Variants in PAX7 observed in about 807,000 individuals in gnomAD.
The protein encoded by PAX7 is paired box protein Pax-7.
PAX7 carries 18 observed loss-of-function variants against 50.7 expected under a neutral mutation model. The ratio of observed to expected loss-of-function variants is 0.36; its 90% confidence interval spans 0.25 to 0.53. PAX7 has a LOEUF of 0.53. Ranked by LOEUF, PAX7 falls within the 20% of genes least tolerant of loss-of-function variation. PAX7 has a pLI of 0.93. For missense variants in PAX7, 644 were observed against 702.9 expected (o/e 0.92, Z 0.95); for synonymous variants, 310 against 290.4 (o/e 1.07, Z -0.69).
intron 4 of PAX7, among the ~76,000 whole-genome samples, chr1:18,660,564 C>T (rs1480852787): frequency 1.3e-5 from 2 of 152,110 alleles, no homozygotes; most frequent in African/African-American, 4.8e-5. Context: ...ATTACTATTT[C>T]ATGGATGATT....
At chr1:18,666,899 T>C (rs1393829984) in intron 4 of PAX7, among the ~76,000 whole-genome samples, 1 of 152,162 alleles carries the variant, frequency 6.6e-6, no homozygotes, top group Non-Finnish European at 1.5e-5. Flanking sequence ...TCGACTCACC[T>C]GGGGAAAAAT....
chr1:18,631,380 C>T lies in PAX7; in HGVS notation c.-224C>T. 1 of 546,858 alleles carries T rather than the reference C, an allele frequency of 1.8e-6. No homozygotes were observed. Among genetic ancestry groups the T allele is most frequent in the Non-Finnish European group, 3.3e-6 (1 of 304,184 alleles). The allele number at this position is 546,858 out of a possible 1,614,324, so 33.9% of individuals were successfully genotyped here. A position where few individuals can be genotyped will look rare whatever the true frequency, so the allele number is the denominator to read the frequency against. On this transcript the variant is annotated 5_prime_UTR_variant, in exon 1 of 9. Coordinates refer to ENST00000420770, the MANE Select transcript of PAX7 (RefSeq NM_001135254.2). ...TTCCTCGTCGTCGCCACCTTCCCTCCCCCCAACCTCCACCCCACCTCACCC... is the reference window on the plus strand; with the variant it reads ...TTCCTCGTCGTCGCCACCTTCCCTCTCCCCAACCTCCACCCCACCTCACCC...
chr1:18,689,695 T>C lies in PAX7; in HGVS notation c.587-2059T>C, dbSNP rs189540132. On this transcript the variant is annotated intron_variant, in intron 4 of 8. Transcript: ENST00000420770. ...GATGACCCTCCAGGCGCATGACCTCTCACACATCCGGGCCATACCCACCAG... is the reference window on the plus strand; with the variant it reads ...GATGACCCTCCAGGCGCATGACCTCCCACACATCCGGGCCATACCCACCAG... 2.4e-3 allele frequency among the ~76,000 whole-genome samples: 359 copies of C among 152,268 alleles called. 3 individuals are homozygous for C. The South Asian group carries it at 0.029, about 12-fold the overall frequency.
At chr1:18,679,751 G>A (rs982566481) in intron 4 of PAX7, among the ~76,000 whole-genome samples, 2 of 152,328 alleles carry the variant, frequency 1.3e-5, no homozygotes, top group African/African-American at 4.8e-5. Context: ...AGCCTCCACC[G>A]TGGAAGAATA....
chr1:18,646,244 C>A (rs1365906255), intron 4 of PAX7, among the ~76,000 whole-genome samples: 1 of 152,054 alleles, frequency 6.6e-6, no homozygotes, highest in Non-Finnish European at 1.5e-5. Context: ...ATAAATGGGG[C>A]TGAACCTCCC....
chr1:18,718,488 G>A (rs867665803), intron 7 of PAX7, among the ~76,000 whole-genome samples: 1 of 152,062 alleles, frequency 6.6e-6, no homozygotes, highest in Non-Finnish European at 1.5e-5. Flanking sequence ...CAAGGCAGCC[G>A]GTCCCAGGCC....
intron 4 of PAX7, among the ~76,000 whole-genome samples, chr1:18,672,597 T>TTG (rs1557521475): frequency 9.2e-6 from 1 of 108,196 alleles, no homozygotes; most frequent in Non-Finnish European, 2.0e-5. Context: ...GAGCACTGTG[T>TTG]TTTTTTTTTT....
chr1:18,700,867 C>CT lies in PAX7; in HGVS notation c.952+52dup. ...CCATCTCAGTGGTGCCCCTTCCCTT[C>CT]TTTCTTTACTTTCACTTACAAAGGC... On this transcript the variant is annotated intron_variant, in intron 6 of 8. Transcript: ENST00000420770. This position sits in a 1 kb window ranked among gnomAD's most constrained non-coding sequence, Gnocchi z 4.8. The CT allele has an allele frequency of 7.6e-7, 1 of 1,310,788 alleles. No homozygotes were observed. The highest frequency in any genetic ancestry group is 9.9e-7 in the Non-Finnish European group (1 of 1,008,818). 81.2% of individuals were successfully genotyped at this position (1,310,788 alleles called of 1,614,324 possible). A position where few individuals can be genotyped will look rare whatever the true frequency, so the allele number is the denominator to read the frequency against.
chr1:18,640,509 G>T (rs1331561469), intron 4 of PAX7, among the ~76,000 whole-genome samples: 6 of 151,946 alleles, frequency 3.9e-5, no homozygotes, highest in Non-Finnish European at 7.4e-5. Flanking sequence ...CCTTGGAAGC[G>T]GGGGCGAGGG....
Position 18,684,490 on chromosome 1 carries a change from C to T in PAX7, c.587-7264C>T, listed in dbSNP as rs1456736378. On this transcript the variant is annotated intron_variant, in intron 4 of 8. Coordinates refer to ENST00000420770, the MANE Select transcript of PAX7 (RefSeq NM_001135254.2). ...CCCTGTCCTTGTGTGCAATCTGACT[C>T]CCGCAGCCACGCCCGAGCCCCGTAC... is the stretch of plus-strand genomic sequence containing the variant. Among the ~76,000 whole-genome samples the T allele has an allele frequency of 9.8e-5, 15 of 152,346 alleles. No individual in the cohort carries two copies. In the East Asian group the frequency reaches 2.9e-3, roughly 29 times the overall value.
chr1:18,649,180 G>A (rs947883696), intron 4 of PAX7, among the ~76,000 whole-genome samples: 7 of 152,134 alleles, frequency 4.6e-5, no homozygotes, highest in African/African-American at 1.7e-4. Context: ...GGAGGGGAAG[G>A]CCACTCTGGT....
chr1:18,682,742 T>C (rs1397668703), intron 4 of PAX7, among the ~76,000 whole-genome samples: 1 of 152,128 alleles, frequency 6.6e-6, no homozygotes, highest in Non-Finnish European at 1.5e-5. Context: ...TGCTGTGGCC[T>C]TAAGACATTC....
At chr1:18,653,649 C>A (rs1054403756) in intron 4 of PAX7, among the ~76,000 whole-genome samples, 4 of 152,014 alleles carry the variant, frequency 2.6e-5, no homozygotes, top group Admixed American at 6.6e-5. Flanking sequence ...TTTGTCAGTT[C>A]CACCATGTCC....
At chr1:18,681,013 C>G (rs1557526539) in intron 4 of PAX7, among the ~76,000 whole-genome samples, 1 of 151,800 alleles carries the variant, frequency 6.6e-6, no homozygotes, top group Non-Finnish European at 1.5e-5. Flanking sequence ...ACTAAAAATA[C>G]AAAGTTAGCC....
rs781128294 is a variant in PAX7 at position 18,700,691 on chromosome 1, G to A, written c.825G>A (p.Gln275=). ...FSNRRARWRK[Q]AGANQLAAFN... is the part of the protein sequence containing the mutation. ...ACCGCCGCGCCCGTTGGCGTAAGCA[G>A]GCAGGAGCCAACCAGCTGGCGGCGT... Residue 275 remains glutamine, a synonymous_variant, in exon 6 of 9, where the codon CAG becomes CAA. Transcript: ENST00000420770. The surrounding 1 kb of genome is among the most constrained non-coding windows in gnomAD (Gnocchi z 4.8). 6.3e-7 allele frequency: 1 copy of A among 1,598,516 alleles called. No individual in the cohort carries two copies. The highest frequency in any genetic ancestry group is 8.5e-7 in the Non-Finnish European group (1 of 1,173,388).
intron 4 of PAX7, among the ~76,000 whole-genome samples, chr1:18,665,814 C>T (rs1164054430): frequency 6.6e-6 from 1 of 152,030 alleles, no homozygotes; most frequent in South Asian, 2.1e-4. Context: ...GGACTACAGG[C>T]GTGCACCACC....
chr1:18,634,683 T>A lies in PAX7; in HGVS notation c.321+145T>A, dbSNP rs2088116525. 4.5e-6 allele frequency: 3 copies of A among 670,428 alleles called. No individual in the cohort carries two copies. Among genetic ancestry groups the A allele is most frequent in the Non-Finnish European group, 7.6e-6 (3 of 396,660 alleles). 41.5% of individuals were successfully genotyped at this position (670,428 alleles called of 1,614,324 possible). A position where few individuals can be genotyped will look rare whatever the true frequency, so the allele number is the denominator to read the frequency against. On this transcript the variant is annotated intron_variant, in intron 2 of 8. Transcript: ENST00000420770. The surrounding 1 kb of genome is among the most constrained non-coding windows in gnomAD (Gnocchi z 4.0). ...TCTACTCCCAGATGTCCTCCCATTG[T>A]TTTCCTATTATTTGAATTTCTCAGA...
rs778026328 is a variant in PAX7 at position 18,632,453 on chromosome 1, G to A, written c.85+765G>A. ...CCCGCCCGGGGAGACCCGATAGGAC[G>A]GGCGGCGGCGAACCGGGTCCTGGCT... On this transcript the variant is annotated intron_variant, in intron 1 of 8. Transcript: ENST00000420770. This position sits in a 1 kb window ranked among gnomAD's most constrained non-coding sequence, Gnocchi z 6.3. Among the ~76,000 whole-genome samples, 2 of 152,166 alleles carry A rather than the reference G, an allele frequency of 1.3e-5. No homozygotes were observed. Among genetic ancestry groups the A allele is most frequent in the African/African-American group, 4.8e-5 (2 of 41,452 alleles).
intron 4 of PAX7, among the ~76,000 whole-genome samples, chr1:18,641,467 C>A (rs555185986): frequency 1.3e-5 from 2 of 152,258 alleles, no homozygotes; most frequent in East Asian, 1.9e-4. Flanking sequence ...AGTGAGGTTC[C>A]CGTGCTCAGC....
Sources: allele counts gnomAD v4.1 joint callset (sites outside exome capture counted in the v4.1 genomes callset), GRCh38; gene constraint gnomAD v4.1.1; non-coding constraint Gnocchi (gnomAD v3.1); transcripts MANE v1.5; gene names NCBI Gene and HGNC (gene_info 2026-07-23, HGNC 2026-07-21).